Variants in AGFG1 observed in about 807,000 individuals in gnomAD.
The protein encoded by AGFG1 is ArfGAP with FG repeats 1.
Under a neutral mutation model 60.6 loss-of-function variants are expected in AGFG1, and 10 were observed. That is an observed-to-expected ratio of 0.16 (90% CI 0.10 to 0.28). The LOEUF is 0.28. Among genes scored for constraint, AGFG1 ranks in the 10% least tolerant of loss-of-function variants. The pLI is 1.00. For missense variants in AGFG1, 537 were observed against 676.5 expected (o/e 0.79, Z 2.29); for synonymous variants, 247 against 242.9 (o/e 1.02, Z -0.16).
intron 1 of AGFG1, among the ~76,000 whole-genome samples, chr2:227,473,539 T>C (rs891052413): frequency 1.3e-5 from 2 of 152,236 alleles, no homozygotes; most frequent in Non-Finnish European, 2.9e-5. Context: ...TGTTTGTTGT[T>C]CTTTGCTTCA....
At chr2:227,546,890 T>C (rs892548287) in intron 10 of AGFG1, among the ~76,000 whole-genome samples, 1 of 152,252 alleles carries the variant, frequency 6.6e-6, no homozygotes, top group Non-Finnish European at 1.5e-5. Context: ...AGATTTTTTT[T>C]CCCTAAGGAA....
intron 2 of AGFG1, among the ~76,000 whole-genome samples, chr2:227,496,414 C>G (rs1337271985): frequency 7.0e-6 from 1 of 142,734 alleles, no homozygotes; most frequent in African/African-American, 2.6e-5. Flanking sequence ...TGCACTCCAG[C>G]TTGGGCGATA....
In AGFG1 at chr2:227,472,495, A is replaced by G; in HGVS notation, c.74A>G (p.His25Arg). Reference protein sequence around the residue: ...KMLRDMTGLPHNRKCFDCDQR... With the variant: ...KMLRDMTGLPRNRKCFDCDQR... ...CTGCGGGACATGACCGGCCTCCCGC[A>G]CAACCGAAAGTGCTTCGACTGCGAC... The change falls in exon 1 of 13, where the codon CAC (histidine) becomes CGC (arginine). Residue 25 changes from histidine to arginine, a missense_variant. Physicochemically the swap from His to Arg is conservative, Grantham distance 29. This residue lies in a region of AGFG1 where 120 missense variants were observed against 198.5 expected (regional missense o/e 0.60). Transcript: ENST00000310078. 3 of 1,581,100 alleles carry G rather than the reference A, an allele frequency of 1.9e-6. No individual in the cohort carries two copies. The highest frequency in any genetic ancestry group is 1.7e-6 in the Non-Finnish European group (2 of 1,163,942).
intron 2 of AGFG1, among the ~76,000 whole-genome samples, chr2:227,518,405 A>T (rs1167473316): frequency 6.6e-6 from 1 of 152,140 alleles, no homozygotes; most frequent in South Asian, 2.1e-4. Flanking sequence ...ACCATTTTAC[A>T]TTCTAAAGAA....
intron 1 of AGFG1, among the ~76,000 whole-genome samples, chr2:227,475,218 A>G (rs778957153): frequency 1.3e-5 from 2 of 152,244 alleles, no homozygotes; most frequent in African/African-American, 2.4e-5. Context: ...AATATTGCCT[A>G]GATTTTCCTC....
At chr2:227,518,565 C>T (rs1466519512) in intron 2 of AGFG1, among the ~76,000 whole-genome samples, 2 of 148,840 alleles carry the variant, frequency 1.3e-5, no homozygotes, top group African/African-American at 5.0e-5. Context: ...CTCTTGTCGC[C>T]CAGGCTGGAG....
intron 10 of AGFG1, among the ~76,000 whole-genome samples, chr2:227,545,320 A>C (rs943385022): frequency 2.6e-4 from 39 of 152,218 alleles, no homozygotes; most frequent in African/African-American, 9.2e-4. Context: ...AGGTCATTTA[A>C]GATCTTCCCT....
chr2:227,494,387 A>T (rs938705112), intron 2 of AGFG1, among the ~76,000 whole-genome samples: 4 of 152,240 alleles, frequency 2.6e-5, no homozygotes, highest in Admixed American at 6.5e-5. Context: ...TAGTTTGGAA[A>T]GGGCCATATT....
intron 2 of AGFG1, chr2:227,508,799 A>G (rs779457299): frequency 5.1e-5 from 19 of 374,538 alleles, no homozygotes; most frequent in African/African-American, 6.4e-5. Flanking sequence ...TAAATAGTCA[A>G]TAATTAAAGC....
At chr2:227,487,256 T>C (rs190918913) in intron 1 of AGFG1, among the ~76,000 whole-genome samples, 2 of 152,306 alleles carry the variant, frequency 1.3e-5, no homozygotes, top group African/African-American at 2.4e-5. Context: ...ACCCTTTTTT[T>C]CTACTGCAGA....
chr2:227,553,304 C>G lies in AGFG1; in HGVS notation c.1538-400C>G, dbSNP rs577526504. On this transcript the variant is annotated intron_variant, in intron 11 of 12. Transcript: ENST00000310078. Reference sequence around the variant, plus strand: ...GTCGAGTCCAGGAGATTGAGACCAGCCTGGGCAATGTAGTGAAACCCTGTC... The same window carrying G: ...GTCGAGTCCAGGAGATTGAGACCAGGCTGGGCAATGTAGTGAAACCCTGTC... Among the ~76,000 whole-genome samples the G allele has an allele frequency of 1.5e-4, 23 of 152,120 alleles. No individual in the cohort carries two copies. The South Asian group carries it at 4.8e-3, about 32-fold the overall frequency.
intron 2 of AGFG1, among the ~76,000 whole-genome samples, chr2:227,504,365 G>A (rs1433448709): frequency 5.9e-5 from 9 of 151,994 alleles, no homozygotes; most frequent in Admixed American, 5.9e-4. Context: ...GCTCATTTTT[G>A]TATTTTGAGT....
intron 10 of AGFG1, among the ~76,000 whole-genome samples, chr2:227,547,876 A>C (rs1692699626): frequency 6.6e-6 from 1 of 152,248 alleles, no homozygotes; most frequent in Non-Finnish European, 1.5e-5. Flanking sequence ...ATAGATCTGC[A>C]CAAAAATTTG....
chr2:227,548,587 C>T (rs1014430562), intron 10 of AGFG1, among the ~76,000 whole-genome samples: 1 of 152,148 alleles, frequency 6.6e-6, no homozygotes, highest in Non-Finnish European at 1.5e-5. Context: ...GGAATAAACA[C>T]AGTTTAATCA....
chr2:227,549,340 T>C (rs1692750863), intron 10 of AGFG1, among the ~76,000 whole-genome samples: 1 of 152,234 alleles, frequency 6.6e-6, no homozygotes, highest in African/African-American at 2.4e-5. Flanking sequence ...AATCTTCAGA[T>C]TGTTAAACCG....
intron 8 of AGFG1, 150 bp downstream of exon 8, chr2:227,535,175 T>A: frequency 4.7e-6 from 4 of 851,260 alleles, no homozygotes; most frequent in Non-Finnish European, 5.2e-6. Context: ...AAATGCTAAT[T>A]AAAATATAAT....
rs1446824983 is a variant in AGFG1 at position 227,553,685 on chromosome 2, G to T, written c.1538-19G>T. The T allele has an allele frequency of 1.3e-6, 2 of 1,597,870 alleles. No individual in the cohort carries two copies. Among genetic ancestry groups the T allele is most frequent in the Non-Finnish European group, 1.7e-6 (2 of 1,165,812 alleles). On this transcript the variant is annotated intron_variant, in intron 11 of 12. Transcript: ENST00000310078. ...CTCTTGAAGGTATGGGTTATAATTG[G>T]TGGTTCTATTTTAACAAGGTGCAGG... is the stretch of plus-strand genomic sequence containing the variant.
At position 227,555,877 on chromosome 2, in the gene AGFG1, T is replaced by C. The variant is rs1692958200; in HGVS notation, c.*1382T>C. 6.6e-6 allele frequency: 1 copy of C among 152,156 alleles called. No individual in the cohort carries two copies. The highest frequency in any genetic ancestry group is 1.5e-5 in the Non-Finnish European group (1 of 68,028). The allele number at this position is 152,156 out of a possible 1,614,324, so 9.4% of individuals were successfully genotyped here. On this transcript the variant is annotated 3_prime_UTR_variant, in exon 13 of 13. Transcript: ENST00000310078. ...AAGTCTGTGTGTTAGAGCTTATGCA[T>C]TTGTTTTTATGAGAGATTTTAATAA...
At chr2:227,496,285 CT>C (rs1690973353) in intron 2 of AGFG1, among the ~76,000 whole-genome samples, 1 of 152,048 alleles carries the variant, frequency 6.6e-6, no homozygotes, top group South Asian at 2.1e-4. Context: ...ACACTTTTCC[CT>C]TGTTAACATT....
Sources: gnomAD v4.1 joint callset for allele counts (sites outside exome capture counted in the v4.1 genomes callset) on GRCh38, gnomAD v4.1.1 for gene constraint, gnomAD v4.1.1 regional missense constraint, MANE v1.5 for transcripts, NCBI Gene and HGNC (gene_info 2026-07-23, HGNC 2026-07-21) for gene names.